Variants in PTPRG observed in about 807,000 individuals in gnomAD.
PTPRG encodes the protein receptor-type tyrosine-protein phosphatase gamma.
A neutral mutation model predicts 165.3 loss-of-function variants in PTPRG; 102 were observed. That is an observed-to-expected ratio of 0.62 (90% CI 0.53 to 0.73). PTPRG has a LOEUF of 0.73. Ranked by LOEUF, PTPRG falls within the 30% of genes least tolerant of loss-of-function variation. The pLI is 0.00. For synonymous variants in PTPRG, 675 were observed against 669.5 expected (o/e 1.01, Z -0.13); for missense variants, 1,866 against 1,861.4 (o/e 1.00, Z -0.05).
chr3:62,169,400 C>T (rs1327595073), intron 8 of PTPRG, among the ~76,000 whole-genome samples: 3 of 152,074 alleles, frequency 2.0e-5, no homozygotes, highest in Non-Finnish European at 4.4e-5. Context: ...TTTTTTTAAC[C>T]TATTATTTAA....
intron 5 of PTPRG, among the ~76,000 whole-genome samples, chr3:62,128,057 T>C (rs1181135545): frequency 2.0e-5 from 3 of 152,216 alleles, no homozygotes; most frequent in Non-Finnish European, 2.9e-5. Flanking sequence ...GTATTGTCAG[T>C]ATCTCTATAT....
intron 2 of PTPRG, among the ~76,000 whole-genome samples, chr3:61,858,121 C>T (rs1042550518): frequency 6.6e-6 from 1 of 152,070 alleles, no homozygotes; most frequent in Non-Finnish European, 1.5e-5. Context: ...GTATTGTGGG[C>T]GTTGGAATAG....
intron 2 of PTPRG, among the ~76,000 whole-genome samples, chr3:61,951,501 T>C (rs890733080): frequency 4.9e-4 from 75 of 152,202 alleles, no homozygotes; most frequent in Non-Finnish European, 8.8e-5. Flanking sequence ...CTTCTTTGTA[T>C]GGTTCTAAGA....
chr3:62,075,538 T>A (rs1336522607), intron 4 of PTPRG, among the ~76,000 whole-genome samples: 1 of 152,204 alleles, frequency 6.6e-6, no homozygotes, highest in Non-Finnish European at 1.5e-5. Context: ...GAAAAAGAAT[T>A]ACCTTTAAGA....
At position 61,670,708 on chromosome 3, in the gene PTPRG, C is replaced by T. The variant is rs75117156; in HGVS notation, c.86-78170C>T. ...GCAGTCCCCCGGCATTTTCCTGAGC[C>T]TCCGGTTGTAGGTATTAGACTGGGC... On this transcript the variant is annotated intron_variant, in intron 1 of 29. Coordinates refer to ENST00000474889, the MANE Select transcript of PTPRG (RefSeq NM_002841.4). 7.6e-4 allele frequency among the ~76,000 whole-genome samples: 115 copies of T among 152,290 alleles called. 3 individuals carry two copies. The East Asian group carries it at 0.018, about 23-fold the overall frequency.
intron 5 of PTPRG, among the ~76,000 whole-genome samples, chr3:62,086,582 G>A (rs558380045): frequency 2.0e-5 from 3 of 152,090 alleles, no homozygotes; most frequent in African/African-American, 7.2e-5. Context: ...CGTCCTTCTG[G>A]CATTTTCCAC....
intron 1 of PTPRG, among the ~76,000 whole-genome samples, chr3:61,679,823 G>A (rs1425646496): frequency 6.6e-6 from 1 of 152,060 alleles, no homozygotes; most frequent in Non-Finnish European, 1.5e-5. Context: ...CCACAATCCA[G>A]TGAGTAAGAC....
chr3:62,201,616 C>A, intron 11 of PTPRG, 62 bp downstream of exon 11: 1 of 1,529,520 alleles, frequency 6.5e-7, no homozygotes, highest in Non-Finnish European at 9.0e-7. Context: ...GCAGTTAAAA[C>A]TGTCACCACG....
chr3:61,907,671 A>T (rs1463908113), intron 2 of PTPRG, among the ~76,000 whole-genome samples: 5 of 152,208 alleles, frequency 3.3e-5, no homozygotes, highest in Non-Finnish European at 5.9e-5. Flanking sequence ...GGGAACACAG[A>T]TGATAACGAT....
intron 28 of PTPRG, among the ~76,000 whole-genome samples, chr3:62,289,497 T>C (rs1702793470): frequency 6.6e-6 from 1 of 152,048 alleles, no homozygotes; most frequent in Non-Finnish European, 1.5e-5. Flanking sequence ...GATGCAAAAA[T>C]GACAATAAAA....
chr3:61,796,301 A>G (rs1280196663), intron 2 of PTPRG, among the ~76,000 whole-genome samples: 3 of 152,210 alleles, frequency 2.0e-5, no homozygotes, highest in Non-Finnish European at 4.4e-5. Context: ...GGCTGCAGAG[A>G]TAGAAAAGGA....
At chr3:62,250,307 C>T (rs976909544) in intron 15 of PTPRG, among the ~76,000 whole-genome samples, 1 of 152,136 alleles carries the variant, frequency 6.6e-6, no homozygotes, top group Non-Finnish European at 1.5e-5. Flanking sequence ...CTGCCTCTGG[C>T]TTCCTGATAC....
intron 1 of PTPRG, among the ~76,000 whole-genome samples, chr3:61,699,425 G>GT (rs1344014959): frequency 3.3e-5 from 5 of 152,254 alleles, no homozygotes; most frequent in African/African-American, 1.2e-4. Flanking sequence ...CCTCCTGAAA[G>GT]TATCTTGGGG....
intron 1 of PTPRG, among the ~76,000 whole-genome samples, chr3:61,706,619 G>A (rs184719876): frequency 5.9e-5 from 9 of 151,356 alleles, no homozygotes; most frequent in African/African-American, 1.9e-4. Context: ...TCAGCCTCCC[G>A]AGTAGCTGGA....
intron 6 of PTPRG, among the ~76,000 whole-genome samples, chr3:62,136,748 C>G (rs60621048): frequency 0.085 from 12,912 of 152,248 alleles, 838 homozygotes; most frequent in East Asian, 0.33. Flanking sequence ...GCTGTCTTCT[C>G]TTGTCTGCCG....
chr3:61,753,061 G>A (rs2033506282), intron 2 of PTPRG, among the ~76,000 whole-genome samples: 2 of 152,132 alleles, frequency 1.3e-5, no homozygotes, highest in African/African-American at 4.8e-5. Context: ...TGAGGAACCT[G>A]GAGATATGTA....
chr3:61,897,912 C>G (rs886936662), intron 2 of PTPRG, among the ~76,000 whole-genome samples: 1 of 151,956 alleles, frequency 6.6e-6, no homozygotes, highest in African/African-American at 2.4e-5. Flanking sequence ...ATTCTGTAAC[C>G]TTACTGAACT....
intron 4 of PTPRG, among the ~76,000 whole-genome samples, chr3:62,033,378 T>G (rs888759637): frequency 3.8e-4 from 54 of 141,122 alleles, no homozygotes; most frequent in Non-Finnish European, 6.9e-4. Flanking sequence ...TTTTTTTTTT[T>G]TTTGAGACAG....
At chr3:62,029,551 A>G (rs1699694986) in intron 4 of PTPRG, among the ~76,000 whole-genome samples, 1 of 152,232 alleles carries the variant, frequency 6.6e-6, no homozygotes, top group Admixed American at 6.5e-5. Flanking sequence ...TAATTTATCC[A>G]TCTTCATTGG....
Sources: allele counts gnomAD v4.1 joint callset (sites outside exome capture counted in the v4.1 genomes callset), GRCh38; gene constraint gnomAD v4.1.1; transcripts MANE v1.5; gene names NCBI Gene and HGNC (gene_info 2026-07-23, HGNC 2026-07-21).